ROBO1: variants seen among roughly 807,000 people sequenced by gnomAD.
ROBO1 encodes the protein roundabout guidance receptor 1, also known as roundabout homolog 1.
In ROBO1, 149 loss-of-function variants were observed where a neutral mutation model predicts 195.9. That is an observed-to-expected ratio of 0.76 (90% CI 0.67 to 0.87). The LOEUF (loss-of-function observed/expected upper bound fraction) is 0.87. ROBO1 is among the 40% of genes least tolerant of loss of function. The pLI, the probability that ROBO1 is intolerant of heterozygous loss-of-function variation, is 0.00. For synonymous variants in ROBO1, 816 were observed against 733.2 expected, an observed-to-expected ratio of 1.11 and a Z score of -1.82; for missense variants, 1,933 against 2,068.3, an observed-to-expected ratio of 0.93 and a Z score of 1.27.
intron 2 of ROBO1, among the ~76,000 whole-genome samples, chr3:79,146,631 T>C (rs1277339064): frequency 6.6e-6 from 1 of 151,958 alleles, no homozygotes; most frequent in African/African-American, 2.4e-5. Context: ...CATTTTAAGA[T>C]TGATTTTTCA....
chr3:78,962,843 A>C (rs1003404875), intron 3 of ROBO1, among the ~76,000 whole-genome samples: 1 of 151,320 alleles, frequency 6.6e-6, no homozygotes, highest in Non-Finnish European at 1.5e-5. Flanking sequence ...AAAAAAAAAA[A>C]AAAAAACTTT....
chr3:78,871,377 T>C (rs2035533653), intron 4 of ROBO1, among the ~76,000 whole-genome samples: 2 of 152,230 alleles, frequency 1.3e-5, no homozygotes, highest in African/African-American at 4.8e-5. Context: ...TTTCATCTTA[T>C]GCTTTAGGTT....
intron 1 of ROBO1, among the ~76,000 whole-genome samples, chr3:79,761,712 C>A (rs922170497): frequency 6.6e-6 from 1 of 152,146 alleles, no homozygotes; most frequent in African/African-American, 2.4e-5. Context: ...CTCATGTGAT[C>A]TAATTTACTA....
At chr3:78,632,922 A>G (rs1000771029) in intron 24 of ROBO1, among the ~76,000 whole-genome samples, 1 of 152,232 alleles carries the variant, frequency 6.6e-6, no homozygotes, top group Non-Finnish European at 1.5e-5. Flanking sequence ...TCATTTAATA[A>G]GATGTTAATT....
chr3:79,287,393 GAC>G (rs1202902543), intron 2 of ROBO1, among the ~76,000 whole-genome samples: 1 of 152,094 alleles, frequency 6.6e-6, no homozygotes, highest in Non-Finnish European at 1.5e-5. Flanking sequence ...GTCATTTCCA[GAC>G]ATATGCAAAC....
chr3:79,427,380 C>A (rs1376528746), intron 2 of ROBO1, among the ~76,000 whole-genome samples: 1 of 152,150 alleles, frequency 6.6e-6, no homozygotes, highest in Non-Finnish European at 1.5e-5. Flanking sequence ...ATAGCCAGCT[C>A]TGGATTATTT....
At chr3:79,255,376 A>G (rs901714979) in intron 2 of ROBO1, among the ~76,000 whole-genome samples, 1 of 152,000 alleles carries the variant, frequency 6.6e-6, no homozygotes, top group African/African-American at 2.4e-5. Context: ...ACAACAACAA[A>G]AACAAAAAAC....
chr3:79,326,897 G>A (rs1323048695), intron 2 of ROBO1, among the ~76,000 whole-genome samples: 1 of 152,134 alleles, frequency 6.6e-6, no homozygotes, highest in South Asian at 2.1e-4. Flanking sequence ...AGGTGGATGA[G>A]TGCTGACTGT....
intron 4 of ROBO1, among the ~76,000 whole-genome samples, chr3:78,787,672 G>A (rs889827325): frequency 6.6e-6 from 1 of 152,118 alleles, no homozygotes; most frequent in African/African-American, 2.4e-5. Context: ...GGTCAGGTGC[G>A]GTGGCTAATG....
chr3:79,198,795 C>T (rs111480104), intron 2 of ROBO1, among the ~76,000 whole-genome samples: 21,315 of 151,788 alleles, frequency 0.14, 2,455 homozygotes, highest in African/African-American at 0.32. Context: ...GTTCTCTTTG[C>T]AGCAATTGTG....
intron 2 of ROBO1, among the ~76,000 whole-genome samples, chr3:79,547,992 T>C (rs1019842761): frequency 2.7e-4 from 41 of 152,188 alleles, no homozygotes; most frequent in Non-Finnish European, 3.8e-4. Context: ...ATGGCAGTTT[T>C]ACTGATGTTG....
In ROBO1 at chr3:78,717,894, A is replaced by G. The variant is rs1200385636; in HGVS notation, c.658-11T>C. 6.2e-7 allele frequency: 1 copy of G among 1,612,608 alleles called. No homozygotes were observed. Among genetic ancestry groups the G allele is most frequent in the Admixed American group, 1.7e-5 (1 of 59,808 alleles). On this transcript the variant is annotated splice_polypyrimidine_tract_variant and intron_variant, in intron 5 of 30. Transcript: ENST00000464233. ...CTTTCCTCCTCGTATCTTAAAAAAA[A>G]AGTTTCACAGGAATACTATTAAAAT...
intron 3 of ROBO1, among the ~76,000 whole-genome samples, chr3:79,075,047 C>A (rs1370174579): frequency 6.6e-6 from 1 of 151,836 alleles, no homozygotes; most frequent in Non-Finnish European, 1.5e-5. Flanking sequence ...ACTTTCATAA[C>A]ATTTTAAGTT....
rs538043640 is a variant in ROBO1, at chr3:79,306,482, C to T, written c.89-180943G>A. 2.0e-5 allele frequency among the ~76,000 whole-genome samples: 3 copies of T among 152,288 alleles called. No homozygotes were observed. The South Asian group carries it at 6.2e-4, about 32-fold the overall frequency. ...CTCTCTATCTTTATTTGTGATCGGC[C>T]CTAACTGCCCTGGCAATCTTTTCCG... is the stretch of plus-strand genomic sequence containing the variant. On this transcript the variant is annotated intron_variant, in intron 2 of 30. Transcript: ENST00000464233.
chr3:78,614,279 T>C (rs1217646332), intron 28 of ROBO1, among the ~76,000 whole-genome samples: 2 of 152,068 alleles, frequency 1.3e-5, no homozygotes, highest in Admixed American at 6.6e-5. Flanking sequence ...AATTGTAAAA[T>C]AAAAAAATGA....
chr3:78,728,032 C>G (rs541201954), intron 5 of ROBO1, among the ~76,000 whole-genome samples: 36 of 151,934 alleles, frequency 2.4e-4, no homozygotes, highest in African/African-American at 8.7e-4. Context: ...AAACAATAAA[C>G]CTCAGCCAAA....
At chr3:78,997,435 G>T (rs776142399) in intron 3 of ROBO1, among the ~76,000 whole-genome samples, 39 of 152,036 alleles carry the variant, frequency 2.6e-4, no homozygotes, top group Non-Finnish European at 4.9e-4. Flanking sequence ...TTCGAGAAAT[G>T]AACAAACCAT....
Position 78,659,574 on chromosome 3 carries a change from G to T in ROBO1, c.2442+112C>A, listed in dbSNP as rs550229823. ...AAAATAATTTTACATGTTGCTATTT[G>T]GACCAGCAGATGGCGCCAAATATCC... On this transcript the variant is annotated intron_variant, in intron 17 of 30. Coordinates refer to ENST00000464233, the MANE Select transcript of ROBO1 (RefSeq NM_002941.4). The T allele has an allele frequency of 1.5e-3, 1,113 of 735,796 alleles. 1 individual carries two copies. Among genetic ancestry groups the T allele is most frequent in the Middle Eastern group, 4.5e-3 (10 of 2,246 alleles). The allele number at this position is 735,796 out of a possible 1,614,324, so 45.6% of individuals were successfully genotyped here. A position where few individuals can be genotyped will look rare whatever the true frequency, so the allele number is the denominator to read the frequency against.
At chr3:79,154,602 A>G (rs1160829805) in intron 2 of ROBO1, among the ~76,000 whole-genome samples, 3 of 151,758 alleles carry the variant, frequency 2.0e-5, no homozygotes, top group Admixed American at 1.3e-4. Context: ...CTCGATGCAG[A>G]TATCAGCCTC....
Sources: gnomAD v4.1 joint callset for allele counts (sites outside exome capture counted in the v4.1 genomes callset) on GRCh38, gnomAD v4.1.1 for gene constraint, MANE v1.5 for transcripts, NCBI Gene and HGNC (gene_info 2026-07-23, HGNC 2026-07-21) for gene names.